Variants in RABEP1 observed in about 807,000 individuals in gnomAD.
The protein encoded by RABEP1 is rabaptin, RAB GTPase binding effector protein 1.
RABEP1 carries 51 observed loss-of-function variants against 123.4 expected under a neutral mutation model. The observed-to-expected ratio is 0.41, with a 90% CI of 0.33 to 0.52. The LOEUF (loss-of-function observed/expected upper bound fraction) is 0.52, where lower values mean the gene tolerates loss of function less well. RABEP1 is among the 20% of genes least tolerant of loss of function. RABEP1 has a pLI of 0.16. For missense variants in RABEP1, 888 were observed against 996.3 expected (o/e 0.89, Z 1.46); for synonymous variants, 347 against 355.2 (o/e 0.98, Z 0.26).
chr17:5,353,333 T>C (rs1908726500), intron 7 of RABEP1, among the ~76,000 whole-genome samples: 1 of 152,222 alleles, frequency 6.6e-6, no homozygotes, highest in African/African-American at 2.4e-5. Flanking sequence ...CCTTTGCTGG[T>C]TCCTTCAGAT....
At chr17:5,370,538 CTTTTTA>C (rs771807589) in intron 12 of RABEP1, among the ~76,000 whole-genome samples, 14 of 152,250 alleles carry the variant, frequency 9.2e-5, no homozygotes, top group Non-Finnish European at 8.8e-5. Flanking sequence ...CTCCCACTCT[CTTTTTA>C]TTTTTAAGAA....
intron 1 of RABEP1, among the ~76,000 whole-genome samples, chr17:5,285,344 G>A (rs552212557): frequency 1.4e-5 from 2 of 147,146 alleles, no homozygotes; most frequent in East Asian, 2.0e-4. Flanking sequence ...GTGTTGCCCA[G>A]TCTGGTCTTG....
At chr17:5,353,572 G>A (rs572733359) in intron 7 of RABEP1, among the ~76,000 whole-genome samples, 2 of 152,210 alleles carry the variant, frequency 1.3e-5, no homozygotes, top group African/African-American at 4.8e-5. Flanking sequence ...TTTGGGTGGG[G>A]TGTGGTGTCT....
In RABEP1 at chr17:5,368,359, T is replaced by G; in HGVS notation, c.1786-11T>G. On this transcript the variant is annotated splice_polypyrimidine_tract_variant and intron_variant, in intron 11 of 17. Transcript: ENST00000537505. ...TCCTAACTATGTTTCTATACATGTG[T>G]TTTTTTAAAGATCTCTGCACTCGTC... 1 of 1,587,496 alleles carries G rather than the reference T, an allele frequency of 6.3e-7. No individual in the cohort carries two copies. Among genetic ancestry groups the G allele is most frequent in the Non-Finnish European group, 8.6e-7 (1 of 1,160,388 alleles).
intron 11 of RABEP1, 75 bp from the exon 12 acceptor site, chr17:5,368,295 A>T: frequency 1.0e-6 from 1 of 969,008 alleles, no homozygotes; most frequent in Non-Finnish European, 1.6e-6. Context: ...GACACTAAAT[A>T]GTTAGAAGAT....
chr17:5,327,176 C>T (rs1000552473), intron 2 of RABEP1, among the ~76,000 whole-genome samples: 5 of 152,062 alleles, frequency 3.3e-5, no homozygotes, highest in South Asian at 2.1e-4. Context: ...GGCGACACTC[C>T]GTCTTTACCC....
At chr17:5,355,864 A>T (rs1455188041) in intron 8 of RABEP1, among the ~76,000 whole-genome samples, 3 of 152,192 alleles carry the variant, frequency 2.0e-5, no homozygotes, top group African/African-American at 7.2e-5. Flanking sequence ...CACTTGGTCT[A>T]ATTCTGCTGT....
At chr17:5,309,884 T>C (rs1024571186) in intron 2 of RABEP1, among the ~76,000 whole-genome samples, 2 of 152,208 alleles carry the variant, frequency 1.3e-5, no homozygotes, top group African/African-American at 2.4e-5. Flanking sequence ...ATGCAAATGT[T>C]TGGGTCCCAC....
intron 15 of RABEP1, among the ~76,000 whole-genome samples, chr17:5,380,102 T>G (rs955603469): frequency 6.6e-6 from 1 of 152,244 alleles, no homozygotes; most frequent in African/African-American, 2.4e-5. Flanking sequence ...ATTAAATGCT[T>G]CTTTCTTCAT....
intron 2 of RABEP1, among the ~76,000 whole-genome samples, chr17:5,323,839 A>AATAT (rs369734347): frequency 0.086 from 6,068 of 70,172 alleles, 1,139 homozygotes; most frequent in African/African-American, 0.19. Flanking sequence ...TATATCTAGG[A>AATAT]ATATATATAT....
intron 1 of RABEP1, among the ~76,000 whole-genome samples, chr17:5,282,900 TCTTAG>T (rs1158035830): frequency 1.3e-5 from 2 of 151,806 alleles, no homozygotes; most frequent in African/African-American, 2.4e-5. Flanking sequence ...AGAAAAAAAA[TCTTAG>T]CTTAGGTAGT....
rs751725881 is a variant in RABEP1, at chr17:5,377,207, T to C, written c.2117T>C (p.Ile706Thr). The C allele has an allele frequency of 3.7e-6, 6 of 1,613,392 alleles. No individual in the cohort carries two copies. The highest frequency in any genetic ancestry group is 8.5e-7 in the Non-Finnish European group (1 of 1,179,862). Residue 706 changes from isoleucine to threonine, a missense_variant, in exon 14 of 18, where the codon ATA (isoleucine) becomes ACA (threonine). Physicochemically the swap from Ile to Thr is moderately conservative, Grantham distance 89. Transcript: ENST00000537505. Reference sequence around the variant, plus strand: ...GTAGAAGAAAAGCTGAAGGCTGAGATACTTTTCCTAAAAGAGCAGATCCAA... The same window carrying C: ...GTAGAAGAAAAGCTGAAGGCTGAGACACTTTTCCTAAAAGAGCAGATCCAA... ...DHVEEKLKAE[I>T]LFLKEQIQAE...
intron 5 of RABEP1, among the ~76,000 whole-genome samples, chr17:5,343,637 T>G (rs1907804250): frequency 6.6e-6 from 1 of 151,742 alleles, no homozygotes; most frequent in Non-Finnish European, 1.5e-5. Context: ...CTCCACCTTG[T>G]TGTCTTCAAA....
chr17:5,377,045 C>A, intron 13 of RABEP1, 71 bp from the exon 14 acceptor site: 1 of 1,452,696 alleles, frequency 6.9e-7, no homozygotes, highest in Non-Finnish European at 9.3e-7. Flanking sequence ...ATTCTGGTTA[C>A]AGAAAATCTT....
intron 1 of RABEP1, among the ~76,000 whole-genome samples, chr17:5,305,183 T>C (rs1194077235): frequency 1.3e-5 from 2 of 151,908 alleles, no homozygotes; most frequent in Non-Finnish European, 2.9e-5. Context: ...CTCGATGTTG[T>C]AGTAAAGGCA....
intron 8 of RABEP1, among the ~76,000 whole-genome samples, chr17:5,359,888 C>T (rs900180403): frequency 2.6e-5 from 4 of 152,230 alleles, no homozygotes; most frequent in Non-Finnish European, 4.4e-5. Flanking sequence ...TTCCCACTAA[C>T]TATGCAACTG....
intron 5 of RABEP1, among the ~76,000 whole-genome samples, chr17:5,344,245 C>A (rs1405985176): frequency 6.6e-6 from 1 of 152,086 alleles, no homozygotes; most frequent in Non-Finnish European, 1.5e-5. Context: ...TGAGACCAGC[C>A]TGGGCAACAT....
At chr17:5,367,245 T>TACACACACACACACAC (rs145302611) in intron 11 of RABEP1, among the ~76,000 whole-genome samples, 3 of 147,666 alleles carry the variant, frequency 2.0e-5, no homozygotes, top group African/African-American at 7.5e-5. Flanking sequence ...AGAACTTAGA[T>TACACACACACACACAC]ACACACACAC....
intron 2 of RABEP1, among the ~76,000 whole-genome samples, chr17:5,315,919 A>G (rs1305991745): frequency 6.6e-6 from 1 of 152,226 alleles, no homozygotes; most frequent in Non-Finnish European, 1.5e-5. Context: ...ATAGAACATC[A>G]AGAATCAAAA....
Sources: gnomAD v4.1 joint callset for allele counts (sites outside exome capture counted in the v4.1 genomes callset) on GRCh38, gnomAD v4.1.1 for gene constraint, MANE v1.5 for transcripts, NCBI Gene and HGNC (gene_info 2026-07-23, HGNC 2026-07-21) for gene names.